TMEM132D: variants seen among roughly 807,000 people sequenced by gnomAD.
The protein encoded by TMEM132D is mature OL transmembrane protein.
Under a neutral mutation model 62.3 loss-of-function variants are expected in TMEM132D, and 21 were observed. The ratio of observed to expected loss-of-function variants is 0.34; its 90% confidence interval spans 0.24 to 0.49. The LOEUF (loss-of-function observed/expected upper bound fraction) is 0.49. TMEM132D is among the 20% of genes least tolerant of loss of function. The pLI, the probability that TMEM132D is intolerant of heterozygous loss-of-function variation, is 0.99. For missense variants in TMEM132D, 1,346 were observed against 1,402.8 expected (o/e 0.96, Z 0.65); for synonymous variants, 621 against 575.6 (o/e 1.08, Z -1.13).
intron 5 of TMEM132D, among the ~76,000 whole-genome samples, chr12:129,160,493 C>T (rs993752747): frequency 2.6e-5 from 4 of 152,230 alleles, no homozygotes; most frequent in African/African-American, 9.6e-5. Flanking sequence ...GATCATGGAA[C>T]TGAATCTGCT....
chr12:129,104,169 G>T (rs1024492026), intron 5 of TMEM132D, among the ~76,000 whole-genome samples: 1 of 150,610 alleles, frequency 6.6e-6, no homozygotes, highest in African/African-American at 2.5e-5. Context: ...AACCAAAACA[G>T]CATGGTACTG....
intron 3 of TMEM132D, among the ~76,000 whole-genome samples, chr12:129,352,380 C>T (rs1021373556): frequency 5.9e-5 from 9 of 151,940 alleles, no homozygotes; most frequent in Non-Finnish European, 8.8e-5. Flanking sequence ...CGCCTTCCTC[C>T]TTTTACTTTC....
intron 1 of TMEM132D, among the ~76,000 whole-genome samples, chr12:129,891,047 C>T (rs1360429553): frequency 1.3e-5 from 2 of 151,982 alleles, no homozygotes; most frequent in Non-Finnish European, 2.9e-5. Flanking sequence ...TTGATAACAG[C>T]GACGCCCAAA....
chr12:129,773,159 G>A (rs79581805), intron 1 of TMEM132D, among the ~76,000 whole-genome samples: 2,633 of 152,296 alleles, frequency 0.017, 61 homozygotes, highest in South Asian at 0.099. Flanking sequence ...TCATGCTGAC[G>A]AAATAATTTG....
At chr12:129,160,206 C>A (rs1877362625) in intron 5 of TMEM132D, among the ~76,000 whole-genome samples, 1 of 152,136 alleles carries the variant, frequency 6.6e-6, no homozygotes, top group Non-Finnish European at 1.5e-5. Flanking sequence ...TCAACCACAT[C>A]CATTTTGTCT....
intron 5 of TMEM132D, among the ~76,000 whole-genome samples, chr12:129,188,762 GGAGAGAGAGA>G (rs569138938): frequency 4.5e-4 from 57 of 126,318 alleles, no homozygotes; most frequent in South Asian, 1.0e-3. Flanking sequence ...AGGGAGAGAG[GGAGAGAGAGA>G]GAGAGAGAGA....
At chr12:129,387,563 C>T (rs993015486) in intron 3 of TMEM132D, among the ~76,000 whole-genome samples, 1 of 152,034 alleles carries the variant, frequency 6.6e-6, no homozygotes, top group Non-Finnish European at 1.5e-5. Context: ...AACACCAACG[C>T]CAACACTAAC....
chr12:129,635,600 G>C (rs1355854444), intron 2 of TMEM132D, among the ~76,000 whole-genome samples: 1 of 152,184 alleles, frequency 6.6e-6, no homozygotes. Flanking sequence ...GCGCTCAGGG[G>C]ACTTGTGTTC....
intron 2 of TMEM132D, among the ~76,000 whole-genome samples, chr12:129,642,641 T>A (rs942502394): frequency 4.6e-5 from 7 of 152,228 alleles, no homozygotes; most frequent in African/African-American, 1.7e-4. Flanking sequence ...TCATTTACTA[T>A]AAAATGTGCA....
chr12:129,861,935 G>C (rs1440245143), intron 1 of TMEM132D, among the ~76,000 whole-genome samples: 1 of 151,720 alleles, frequency 6.6e-6, no homozygotes, highest in Non-Finnish European at 1.5e-5. Flanking sequence ...CAAGACTCTT[G>C]ACTTAACTGC....
intron 1 of TMEM132D, among the ~76,000 whole-genome samples, chr12:129,766,609 C>G (rs1870561144): frequency 1.3e-5 from 2 of 152,106 alleles, no homozygotes; most frequent in African/African-American, 4.8e-5. Flanking sequence ...AGCTATCTTC[C>G]CTGTATCAAC....
At position 129,095,192 on chromosome 12, in the gene TMEM132D, A is replaced by AT. The variant is rs753387768; in HGVS notation, c.1444-10491dup. ...AAACTTAAAGTATAATAATAATAAA[A>AT]TTTAAAAAAAAAGGATGAATAGATA... On this transcript the variant is annotated intron_variant, in intron 5 of 8. Transcript: ENST00000422113. 3.5e-3 allele frequency among the ~76,000 whole-genome samples: 533 copies of AT among 152,172 alleles called. 2 individuals are homozygous for AT. Among genetic ancestry groups the AT allele is most frequent in the African/African-American group, 0.012 (515 of 41,528 alleles).
chr12:129,340,770 C>T (rs2135661178), intron 3 of TMEM132D, among the ~76,000 whole-genome samples: 1 of 152,268 alleles, frequency 6.6e-6, no homozygotes, highest in South Asian at 2.1e-4. Context: ...AAACATGCTG[C>T]TATAAAGACA....
chr12:129,615,795 CAAAATAAAATAAAATAAAAT>C lies in TMEM132D; in HGVS notation c.968+83995_968+84014del, dbSNP rs767430381. Among the ~76,000 whole-genome samples, 460 of 139,122 alleles carry C rather than the reference CAAAATAAAATAAAATAAAAT, an allele frequency of 3.3e-3. 3 individuals carry two copies. Among genetic ancestry groups the C allele is most frequent in the African/African-American group, 0.011 (431 of 37,716 alleles). 91.3% of individuals were successfully genotyped at this position (139,122 alleles called of 152,430 possible). On this transcript the variant is annotated intron_variant, in intron 2 of 8. Coordinates refer to ENST00000422113, the MANE Select transcript of TMEM132D (RefSeq NM_133448.3). ...ATAATTAAAACAAAACAAAACAAAACAAAATAAAATAAAATAAAATAAAATAAAATAAAATAAAATAAAAT... is the reference window on the plus strand; with the variant it reads ...ATAATTAAAACAAAACAAAACAAAACAAAATAAAATAAAATAAAATAAAAT...
intron 3 of TMEM132D, among the ~76,000 whole-genome samples, chr12:129,384,426 T>C (rs1871045729): frequency 6.6e-6 from 1 of 151,736 alleles, no homozygotes; most frequent in Non-Finnish European, 1.5e-5. Context: ...GACCACTTTT[T>C]AAAGTCTTCA....
At chr12:129,834,293 G>A (rs553166042) in intron 1 of TMEM132D, among the ~76,000 whole-genome samples, 2 of 152,048 alleles carry the variant, frequency 1.3e-5, no homozygotes, top group South Asian at 4.2e-4. Flanking sequence ...AACCAGTCCC[G>A]AGACCCAGCT....
At chr12:129,552,498 C>G (rs551675210) in intron 2 of TMEM132D, among the ~76,000 whole-genome samples, 24 of 152,158 alleles carry the variant, frequency 1.6e-4, no homozygotes, top group African/African-American at 5.8e-4. Flanking sequence ...ACATTATCAT[C>G]TATTATCTGT....
chr12:129,635,069 T>C (rs1802350667), intron 2 of TMEM132D, among the ~76,000 whole-genome samples: 1 of 152,226 alleles, frequency 6.6e-6, no homozygotes. Flanking sequence ...ATATATGTAA[T>C]TACATCTACA....
At chr12:129,392,067 T>TC (rs1566054758) in intron 3 of TMEM132D, among the ~76,000 whole-genome samples, 1 of 147,948 alleles carries the variant, frequency 6.8e-6, no homozygotes, top group Non-Finnish European at 1.5e-5. Context: ...TCAGTATTTC[T>TC]TTTTTTTGAG....
Sources: gnomAD v4.1 joint callset for allele counts (sites outside exome capture counted in the v4.1 genomes callset) on GRCh38, gnomAD v4.1.1 for gene constraint, MANE v1.5 for transcripts, NCBI Gene and HGNC (gene_info 2026-07-23, HGNC 2026-07-21) for gene names.